TAFA1: variants seen among roughly 807,000 people sequenced by gnomAD.
The protein encoded by TAFA1 is TAFA chemokine like family member 1, also known as chemokine-like protein TAFA-1.
TAFA1 carries 4 observed loss-of-function variants against 18.5 expected under a neutral mutation model. The ratio of observed to expected loss-of-function variants is 0.22; its 90% CI spans 0.11 to 0.49. The LOEUF (loss-of-function observed/expected upper bound fraction) is 0.49. TAFA1 is among the 20% of genes least tolerant of loss of function. The probability of loss-of-function intolerance (pLI) is 0.98; values close to 1 mark genes in which losing one functional copy is unlikely to be tolerated. For missense variants in TAFA1, 147 were observed against 169.0 expected, an observed-to-expected ratio of 0.87 and a Z score of 0.72; for synonymous variants, 56 against 55.2, an observed-to-expected ratio of 1.01 and a Z score of -0.06.
intron 2 of TAFA1, among the ~76,000 whole-genome samples, chr3:68,333,734 A>C (rs963774275): frequency 1.3e-5 from 2 of 152,230 alleles, no homozygotes; most frequent in Non-Finnish European, 2.9e-5. Context: ...TCCCATGTTC[A>C]TTGCAGCATT....
intron 2 of TAFA1, among the ~76,000 whole-genome samples, chr3:68,324,356 T>G (rs2068743473): frequency 6.6e-6 from 1 of 152,184 alleles, no homozygotes. Flanking sequence ...TATACACATC[T>G]TCTCATAATA....
chr3:68,258,057 T>A (rs2107184763), intron 2 of TAFA1, among the ~76,000 whole-genome samples: 1 of 152,280 alleles, frequency 6.6e-6, no homozygotes, highest in South Asian at 2.1e-4. Context: ...ATATGGGTGC[T>A]GAAGGCAATG....
Position 68,015,681 on chromosome 3 carries a change from C to G in TAFA1, c.118+8937C>G, listed in dbSNP as rs142475122. Reference sequence around the variant, plus strand: ...GCAGCATAGAGATGCATATGTAAAACTCTTAATTTAATACTTTATGAAAGT... The same window carrying G: ...GCAGCATAGAGATGCATATGTAAAAGTCTTAATTTAATACTTTATGAAAGT... On this transcript the variant is annotated intron_variant, in intron 2 of 4. Coordinates refer to ENST00000478136, the MANE Select transcript of TAFA1 (RefSeq NM_213609.4). Among the ~76,000 whole-genome samples, 189 of 152,292 alleles carry G rather than the reference C, an allele frequency of 1.2e-3. 1 individual carries two copies. Among genetic ancestry groups the G allele is most frequent in the Admixed American group, 3.5e-3 (54 of 15,286 alleles).
intron 2 of TAFA1, among the ~76,000 whole-genome samples, chr3:68,025,766 T>G (rs1312935522): frequency 5.9e-5 from 9 of 152,204 alleles, no homozygotes; most frequent in African/African-American, 2.2e-4. Context: ...AAGTATCTGC[T>G]CAGATATCAC....
In TAFA1 at chr3:68,311,722, C is replaced by T. The variant is rs180813420; in HGVS notation, c.119-105558C>T. Among the ~76,000 whole-genome samples the T allele has an allele frequency of 2.0e-4, 31 of 152,356 alleles. No homozygotes were observed. In the East Asian group the frequency reaches 6.0e-3, roughly 30 times the overall value. On this transcript the variant is annotated intron_variant, in intron 2 of 4. Transcript: ENST00000478136. The stretch of plus-strand genomic sequence containing the variant: ...CCTCCCTTCTGGCTGCTTTCAGAAA[C>T]TGTTGTTGAGTGTCTGTGGGTTTTT...
chr3:68,235,004 A>C (rs1164253127), intron 2 of TAFA1, among the ~76,000 whole-genome samples: 4 of 152,058 alleles, frequency 2.6e-5, no homozygotes, highest in East Asian at 3.9e-4. Context: ...CTCATTCCTG[A>C]CCCCTGCCCC....
At chr3:68,473,557 G>A (rs2072039521) in intron 3 of TAFA1, among the ~76,000 whole-genome samples, 1 of 152,016 alleles carries the variant, frequency 6.6e-6, no homozygotes, top group South Asian at 2.1e-4. Flanking sequence ...CATGAAACTT[G>A]CTGCCAGAGA....
chr3:68,532,387 T>C (rs1264239682), intron 3 of TAFA1, among the ~76,000 whole-genome samples: 4 of 152,162 alleles, frequency 2.6e-5, no homozygotes, highest in African/African-American at 9.7e-5. Flanking sequence ...GGTAAAAGTT[T>C]CTCTGTCAGA....
At chr3:68,500,672 A>G (rs945466330) in intron 3 of TAFA1, among the ~76,000 whole-genome samples, 4 of 150,830 alleles carry the variant, frequency 2.7e-5, no homozygotes, top group African/African-American at 7.4e-5. Flanking sequence ...TATGTGACGT[A>G]CAAGGCTGAA....
intron 2 of TAFA1, among the ~76,000 whole-genome samples, chr3:68,253,720 T>C (rs548228088): frequency 1.3e-5 from 2 of 152,296 alleles, no homozygotes; most frequent in African/African-American, 4.8e-5. Flanking sequence ...ATGGGGAGGA[T>C]TTTATCATGA....
intron 2 of TAFA1, among the ~76,000 whole-genome samples, chr3:68,009,026 C>T (rs1704419848): frequency 1.3e-5 from 2 of 152,166 alleles, no homozygotes; most frequent in South Asian, 4.1e-4. Flanking sequence ...TGATGTCCCC[C>T]CTTAATAGAC....
intron 3 of TAFA1, among the ~76,000 whole-genome samples, chr3:68,501,939 A>G (rs902337011): frequency 6.6e-6 from 1 of 152,144 alleles, no homozygotes; most frequent in African/African-American, 2.4e-5. Flanking sequence ...TGGCAGGAAA[A>G]TCTTGATCTC....
the TAFA1 span, among the ~76,000 whole-genome samples, chr3:67,998,964 A>T: frequency 1.5e-3 from 226 of 152,326 alleles, no homozygotes; most frequent in Non-Finnish European, 2.6e-3. Flanking sequence ...TCATCCTGGA[A>T]GGTTACTATC....
chr3:68,242,638 A>G (rs1453209895), intron 2 of TAFA1, among the ~76,000 whole-genome samples: 1 of 152,192 alleles, frequency 6.6e-6, no homozygotes, highest in Admixed American at 6.5e-5. Context: ...AACATCACAA[A>G]TTTAGTTTGG....
chr3:68,467,269 TAAG>T (rs2071906287), intron 3 of TAFA1, among the ~76,000 whole-genome samples: 1 of 152,106 alleles, frequency 6.6e-6, no homozygotes, highest in African/African-American at 2.4e-5. Context: ...ATCCTCAGCT[TAAG>T]AAGATGATAG....
chr3:68,024,834 A>ACACACAG (rs33967574), intron 2 of TAFA1, among the ~76,000 whole-genome samples: 8 of 139,392 alleles, frequency 5.7e-5, no homozygotes, highest in Non-Finnish European at 9.6e-5. Flanking sequence ...CACACACACA[A>ACACACAG]TTATACATTG....
intron 2 of TAFA1, among the ~76,000 whole-genome samples, chr3:68,388,767 A>AT (rs145051129): frequency 0.032 from 4,803 of 151,268 alleles, 209 homozygotes; most frequent in East Asian, 0.14. Context: ...TGGCCATCTG[A>AT]TTTTTTTTTA....
At chr3:68,451,897 G>T (rs542976986) in intron 3 of TAFA1, among the ~76,000 whole-genome samples, 1 of 152,326 alleles carries the variant, frequency 6.6e-6, no homozygotes, top group African/African-American at 2.4e-5. Flanking sequence ...TTAAGTGGGA[G>T]ACCATACATT....
At chr3:68,489,304 C>A (rs1015204489) in intron 3 of TAFA1, among the ~76,000 whole-genome samples, 17 of 152,128 alleles carry the variant, frequency 1.1e-4, no homozygotes, top group African/African-American at 3.4e-4. Context: ...CCTATCATCA[C>A]CATGAAGGAA....
Sources: allele counts gnomAD v4.1 joint callset (sites outside exome capture counted in the v4.1 genomes callset), GRCh38; gene constraint gnomAD v4.1.1; transcripts MANE v1.5; gene names NCBI Gene and HGNC (gene_info 2026-07-23, HGNC 2026-07-21).